The following SLC15A5 variants were observed in gnomAD, a reference collection of about 807,000 sequenced individuals.
SLC15A5 encodes the protein Peptide/histidine transporter ENSP00000340402.
In SLC15A5, 58 loss-of-function variants were observed where a neutral mutation model predicts 56.1. That is an observed-to-expected ratio of 1.03 (90% confidence interval 0.84 to 1.29). SLC15A5 has a LOEUF of 1.29. Ranked by LOEUF, SLC15A5 falls within the 50% of genes most tolerant of loss-of-function variation. SLC15A5 has a pLI of 0.00. For missense variants in SLC15A5, 681 were observed against 672.1 expected (o/e 1.01, Z -0.15); for synonymous variants, 264 against 250.5 (o/e 1.05, Z -0.51).
intron 6 of SLC15A5, among the ~76,000 whole-genome samples, chr12:16,221,285 A>G (rs1341428741): frequency 1.3e-5 from 2 of 152,210 alleles, no homozygotes; most frequent in Non-Finnish European, 2.9e-5. Flanking sequence ...ATACAAATAT[A>G]AATAAAGTAA....
chr12:16,270,514 A>C (rs1864741436), intron 2 of SLC15A5, among the ~76,000 whole-genome samples: 1 of 152,178 alleles, frequency 6.6e-6, no homozygotes, highest in East Asian at 1.9e-4. Flanking sequence ...CCCAGCATTT[A>C]GACAATGGTT....
chr12:16,243,551 T>C lies in SLC15A5; in HGVS notation c.975+1029A>G, dbSNP rs1005076293. 2.0e-5 allele frequency among the ~76,000 whole-genome samples: 3 copies of C among 152,194 alleles called. No homozygotes were observed. Among genetic ancestry groups the C allele is most frequent in the African/African-American group, 7.2e-5 (3 of 41,434 alleles). On this transcript the variant is annotated intron_variant, in intron 4 of 8. Coordinates refer to ENST00000344941, the MANE Select transcript of SLC15A5 (RefSeq NM_001170798.1). This position sits in a 1 kb window ranked among gnomAD's most constrained non-coding sequence, Gnocchi z 4.4. The stretch of plus-strand genomic sequence containing the variant: ...CATGTGCTAGAAAATACTATTCTTT[T>C]TTTAATTTTTTTCAAACATATAAAA...
intron 2 of SLC15A5, among the ~76,000 whole-genome samples, chr12:16,270,669 G>A (rs958999591): frequency 6.6e-5 from 10 of 152,132 alleles, no homozygotes; most frequent in Admixed American, 5.2e-4. Context: ...GGAACCTGGG[G>A]CTCTGAGGAA....
chr12:16,255,122 A>T (rs1216908076), intron 3 of SLC15A5, among the ~76,000 whole-genome samples: 1 of 152,088 alleles, frequency 6.6e-6, no homozygotes, highest in Non-Finnish European at 1.5e-5. Flanking sequence ...TATTATTATC[A>T]GTTAAAAGCT....
intron 6 of SLC15A5, among the ~76,000 whole-genome samples, chr12:16,223,337 A>G (rs1527011): frequency 1 from 151,644 of 152,274 alleles, 75,512 homozygotes; most frequent in Middle Eastern, 1. Flanking sequence ...TATCCATAAA[A>G]TATAATGGGA....
chr12:16,198,632 CTT>C (rs1428094096), intron 7 of SLC15A5, among the ~76,000 whole-genome samples: 1 of 152,084 alleles, frequency 6.6e-6, no homozygotes, highest in Non-Finnish European at 1.5e-5. Context: ...GGATTTCAGT[CTT>C]TGAAATCACT....
intron 2 of SLC15A5, among the ~76,000 whole-genome samples, chr12:16,261,781 C>T (rs1380922017): frequency 6.6e-6 from 1 of 152,138 alleles, no homozygotes; most frequent in Non-Finnish European, 1.5e-5. Flanking sequence ...TTTTATTTTG[C>T]ATTTCCCTAA....
At chr12:16,257,949 T>C (rs1864594189) in intron 2 of SLC15A5, 79 bp from the exon 3 acceptor site, 2 of 1,230,842 alleles carry the variant, frequency 1.6e-6, no homozygotes, top group Admixed American at 4.0e-5. Flanking sequence ...ATGCTTCTAA[T>C]CAAATGTAAA....
intron 3 of SLC15A5, among the ~76,000 whole-genome samples, chr12:16,245,634 G>T (rs1358255): frequency 0.94 from 143,267 of 152,216 alleles, 67,540 homozygotes; most frequent in East Asian, 0.99. Context: ...ATAGTTACAG[G>T]TTTTCATAGC....
At position 16,189,471 on chromosome 12, in the gene SLC15A5, G is replaced by T; in HGVS notation, c.*197C>A. The T allele has an allele frequency of 2.5e-6, 1 of 393,548 alleles. No homozygotes were observed. The highest frequency in any genetic ancestry group is 4.3e-6 in the Non-Finnish European group (1 of 231,354). 24.4% of individuals were successfully genotyped at this position (393,548 alleles called of 1,614,324 possible). A position where few individuals can be genotyped will look rare whatever the true frequency, so the allele number is the denominator to read the frequency against. On this transcript the variant is annotated 3_prime_UTR_variant, in exon 9 of 9. Transcript: ENST00000344941. ...TTGAAATTATTTTATTAATTCTAAT[G>T]CTATAACATGTTAATGCAAAAGCAT... is the stretch of plus-strand genomic sequence containing the variant.
At chr12:16,276,665 G>C (rs935783700) in intron 1 of SLC15A5, among the ~76,000 whole-genome samples, 2 of 151,948 alleles carry the variant, frequency 1.3e-5, no homozygotes, top group African/African-American at 4.8e-5. Context: ...TAAAATTCTA[G>C]TCTGTTCTTC....
chr12:16,266,599 G>A (rs1457522998), intron 2 of SLC15A5, among the ~76,000 whole-genome samples: 2 of 152,018 alleles, frequency 1.3e-5, no homozygotes, highest in Non-Finnish European at 1.5e-5. Context: ...TGTCTTTGTT[G>A]ATCCATGGAC....
At chr12:16,259,333 TCCTCCCTCACTC>T (rs1253037662) in intron 2 of SLC15A5, among the ~76,000 whole-genome samples, 1 of 151,158 alleles carries the variant, frequency 6.6e-6, no homozygotes, top group African/African-American at 2.4e-5. Context: ...TTCCCTCCTT[TCCTCCCTCACTC>T]CCTCCCTCTC....
At position 16,250,261 on chromosome 12, in the gene SLC15A5, A is replaced by C. The variant is rs1296491038; in HGVS notation, c.755-5461T>G. ...GTATTTATAAGACACAGGAATTTCT[A>C]ATTGTGTTTATAAATAGATAATTTC... On this transcript the variant is annotated intron_variant, in intron 3 of 8. Transcript: ENST00000344941. Among the ~76,000 whole-genome samples the C allele has an allele frequency of 3.3e-5, 5 of 152,034 alleles. No individual in the cohort carries two copies. The East Asian group carries it at 5.8e-4, about 18-fold the overall frequency.
rs191945573 is a variant in SLC15A5 at position 16,199,156 on chromosome 12, C to G, written c.1484-4703G>C. 3.9e-3 allele frequency among the ~76,000 whole-genome samples: 591 copies of G among 152,106 alleles called. 2 individuals carry two copies. Among genetic ancestry groups the G allele is most frequent in the Non-Finnish European group, 3.6e-3 (243 of 67,982 alleles). On this transcript the variant is annotated intron_variant, in intron 7 of 8. Coordinates refer to ENST00000344941, the MANE Select transcript of SLC15A5 (RefSeq NM_001170798.1). ...CTGTCACCACAGCCCTTTGTTACTACAAAGCCTGCCCCCCACAGACCCTGC... is the reference window on the plus strand; with the variant it reads ...CTGTCACCACAGCCCTTTGTTACTAGAAAGCCTGCCCCCCACAGACCCTGC...
chr12:16,257,885 C>A lies in SLC15A5; in HGVS notation c.585-15G>T, dbSNP rs2136807639. 7.1e-7 allele frequency: 1 copy of A among 1,402,048 alleles called. No homozygotes were observed. 86.9% of individuals were successfully genotyped at this position (1,402,048 alleles called of 1,614,324 possible). ...GCCAATAAAACCTGGGGTATACAGA[C>A]AGACAAAAATAAAAATACCATTGAA... On this transcript the variant is annotated splice_polypyrimidine_tract_variant and intron_variant, in intron 2 of 8. Transcript: ENST00000344941.
intron 7 of SLC15A5, among the ~76,000 whole-genome samples, chr12:16,202,150 G>C (rs1863964878): frequency 6.6e-6 from 1 of 152,118 alleles, no homozygotes; most frequent in African/African-American, 2.4e-5. Context: ...GGAAATAACA[G>C]AGTGAAGAGA....
At chr12:16,250,792 G>T (rs1462105407) in intron 3 of SLC15A5, among the ~76,000 whole-genome samples, 1 of 151,878 alleles carries the variant, frequency 6.6e-6, no homozygotes, top group Non-Finnish European at 1.5e-5. Context: ...GAAAATGTGG[G>T]TTAATTCTTT....
chr12:16,227,859 T>C (rs1864257843), intron 5 of SLC15A5, among the ~76,000 whole-genome samples: 1 of 152,166 alleles, frequency 6.6e-6, no homozygotes, highest in Non-Finnish European at 1.5e-5. Context: ...GGTAGGAAGA[T>C]AGAAGTGATA....
Sources: gnomAD v4.1 joint callset for allele counts (sites outside exome capture counted in the v4.1 genomes callset) on GRCh38, gnomAD v4.1.1 for gene constraint, Gnocchi (gnomAD v3.1) non-coding constraint, MANE v1.5 for transcripts, NCBI Gene and HGNC (gene_info 2026-07-23, HGNC 2026-07-21) for gene names.